NHERF4: variants seen among roughly 807,000 people sequenced by gnomAD.
NHERF4 encodes the protein NHERF family PDZ scaffold protein 4.
chr11:119,186,217 C>A, the NHERF4 span: 16 of 1,614,104 alleles, frequency 9.9e-6, no homozygotes, highest in Non-Finnish European at 1.4e-5. This position sits in a 1 kb window ranked among gnomAD's most constrained non-coding sequence, Gnocchi z 4.4. Context: ...GGCACCACGG[C>A]TCCACACGGC....
chr11:119,189,189 C>T, the NHERF4 span: 2 of 1,610,146 alleles, frequency 1.2e-6, no homozygotes, highest in Non-Finnish European at 1.7e-6. This position sits in a 1 kb window ranked among gnomAD's most constrained non-coding sequence, Gnocchi z 5.8. Flanking sequence ...GCCTGGATTC[C>T]CCCTGGGGCT....
the NHERF4 span, chr11:119,188,663 C>T: frequency 1.2e-6 from 2 of 1,614,174 alleles, no homozygotes; most frequent in Non-Finnish European, 1.7e-6. Flanking sequence ...CACTCCTCTT[C>T]TTGGAGAACA....
the NHERF4 span, chr11:119,187,153 A>G: frequency 2.6e-4 from 224 of 873,410 alleles, 2 homozygotes; most frequent in South Asian, 3.5e-3. Flanking sequence ...AAAAAAAAAA[A>G]AAAAAGAAAA....
At chr11:119,187,273 G>A in the NHERF4 span, 1 of 1,595,542 alleles carries the variant, frequency 6.3e-7, no homozygotes. Context: ...TGTCCAGGTG[G>A]TACGCCGCAT....
the NHERF4 span, chr11:119,185,539 G>A: frequency 1.9e-6 from 3 of 1,607,458 alleles, no homozygotes; most frequent in African/African-American, 4.0e-5. Flanking sequence ...TCCTCTGCAG[G>A]GGACTTTGGG....
chr11:119,186,724 C>G, the NHERF4 span: 1 of 1,555,624 alleles, frequency 6.4e-7, no homozygotes, highest in South Asian at 1.2e-5. The surrounding 1 kb of genome is among the most constrained non-coding windows in gnomAD (Gnocchi z 4.4). Context: ...ATGCTAGCAC[C>G]TCAGAAAGAG....
chr11:119,189,609 G>A, the NHERF4 span: 12 of 1,204,626 alleles, frequency 1.0e-5, no homozygotes, highest in South Asian at 2.4e-5. This position sits in a 1 kb window ranked among gnomAD's most constrained non-coding sequence, Gnocchi z 5.8. Flanking sequence ...AGACACCACC[G>A]ATCACAGGCT....
At chr11:119,188,658 C>T in the NHERF4 span, 12 of 1,614,040 alleles carry the variant, frequency 7.4e-6, no homozygotes, top group African/African-American at 2.7e-5. Flanking sequence ...GTCCCCACTC[C>T]TCTTCTTGGA....
the NHERF4 span, chr11:119,185,497 G>T: frequency 1.2e-6 from 2 of 1,614,098 alleles, no homozygotes; most frequent in Non-Finnish European, 1.7e-6. Context: ...ATCCAGCTAT[G>T]GAGAAAGCCG....
the NHERF4 span, chr11:119,188,795 C>A: frequency 2.6e-5 from 42 of 1,614,210 alleles, no homozygotes; most frequent in East Asian, 6.0e-4. Context: ...GCTTCCTGTA[C>A]CCTGGGCCTG....
At chr11:119,189,497 C>A in the NHERF4 span, 3 of 1,614,030 alleles carry the variant, frequency 1.9e-6, no homozygotes, top group South Asian at 2.2e-5. This position sits in a 1 kb window ranked among gnomAD's most constrained non-coding sequence, Gnocchi z 5.8. Context: ...CTGTAGAGCA[C>A]CCCTGCTTGG....
the NHERF4 span, chr11:119,186,783 T>C: frequency 8.1e-7 from 1 of 1,234,066 alleles, no homozygotes; most frequent in South Asian, 1.6e-5. This position sits in a 1 kb window ranked among gnomAD's most constrained non-coding sequence, Gnocchi z 4.4. Flanking sequence ...GGCACAAGCC[T>C]CACTCCCCCA....
chr11:119,188,169 G>T, the NHERF4 span: 2 of 1,519,282 alleles, frequency 1.3e-6, no homozygotes, highest in Middle Eastern at 1.7e-4. Flanking sequence ...TGGGGGCGGT[G>T]GGGGAAGGTG....
chr11:119,186,550 C>T, the NHERF4 span: 7 of 1,614,084 alleles, frequency 4.3e-6, no homozygotes, highest in African/African-American at 9.3e-5. This position sits in a 1 kb window ranked among gnomAD's most constrained non-coding sequence, Gnocchi z 4.4. Flanking sequence ...TGGCTTCCAC[C>T]TGCAGCAGGA....
At chr11:119,188,979 T>C in the NHERF4 span, 4 of 1,613,750 alleles carry the variant, frequency 2.5e-6, no homozygotes, top group Admixed American at 6.7e-5. Flanking sequence ...CGGTGTCCCC[T>C]GTTCTGCATG....
At chr11:119,188,587 G>A in the NHERF4 span, 1 of 1,607,796 alleles carries the variant, frequency 6.2e-7, no homozygotes. Flanking sequence ...GGTTGGGGCA[G>A]GAGTGGGGCA....
chr11:119,187,632 G>A, the NHERF4 span: 588 of 1,568,636 alleles, frequency 3.7e-4, 2 homozygotes, highest in Non-Finnish European at 4.5e-4. Flanking sequence ...GGTGCCCCCC[G>A]GGGCCCGGCT....
chr11:119,185,673 C>A, the NHERF4 span: 2 of 778,140 alleles, frequency 2.6e-6, no homozygotes, highest in African/African-American at 1.7e-5. Flanking sequence ...TGTCTGTCTT[C>A]CTGGTCCACA....
chr11:119,185,527 A>G, the NHERF4 span: 3 of 1,613,242 alleles, frequency 1.9e-6, no homozygotes, highest in Admixed American at 5.0e-5. Context: ...GGCCAGGAGA[A>G]ATCCTCTGCA....
Sources: gnomAD v4.1 joint callset for allele counts on GRCh38, gnomAD v4.1.1 for gene constraint, Gnocchi (gnomAD v3.1) non-coding constraint, MANE v1.5 for transcripts, NCBI Gene and HGNC (gene_info 2026-07-23, HGNC 2026-07-21) for gene names.